Variants in MYEF2 observed in about 807,000 individuals in gnomAD.
MYEF2 encodes the protein myelin expression factor 2.
MYEF2 carries 37 observed loss-of-function variants against 75.2 expected under a neutral mutation model. The observed-to-expected ratio is 0.49, with a 90% CI of 0.38 to 0.65. The LOEUF (loss-of-function observed/expected upper bound fraction) is 0.65. Ranked by LOEUF, MYEF2 falls within the 30% of genes least tolerant of loss-of-function variation. The pLI, the probability that MYEF2 is intolerant of heterozygous loss-of-function variation, is 0.00. For missense variants in MYEF2, 634 were observed against 771.4 expected (o/e 0.82, Z 2.11); for synonymous variants, 195 against 241.6 (o/e 0.81, Z 1.79).
intron 1 of MYEF2, among the ~76,000 whole-genome samples, chr15:48,170,897 T>C (rs1189394006): frequency 6.6e-6 from 1 of 152,212 alleles, no homozygotes; most frequent in African/African-American, 2.4e-5. Context: ...TGAGCACAGA[T>C]GTTGCCAGAA....
chr15:48,149,480 G>T lies in MYEF2; in HGVS notation c.1379-109C>A. On this transcript the variant is annotated intron_variant, in intron 14 of 16. Coordinates refer to ENST00000324324, the MANE Select transcript of MYEF2 (RefSeq NM_016132.5). This position sits in a 1 kb window ranked among gnomAD's most constrained non-coding sequence, Gnocchi z 4.0. The stretch of plus-strand genomic sequence containing the variant: ...GGAGGAAAAGGAGATAAACATTTTT[G>T]AGAAAGAAGGGGGAAATTAATTTGT... The T allele has an allele frequency of 1.4e-6, 1 of 731,520 alleles. No homozygotes were observed. Among genetic ancestry groups the T allele is most frequent in the Non-Finnish European group, 2.2e-6 (1 of 456,988 alleles). The allele number at this position is 731,520 out of a possible 1,614,324, so 45.3% of individuals were successfully genotyped here.
intron 1 of MYEF2, among the ~76,000 whole-genome samples, chr15:48,172,862 G>C (rs2040391006): frequency 6.6e-6 from 1 of 152,136 alleles, no homozygotes; most frequent in Admixed American, 6.5e-5. Context: ...GGGAGATGGA[G>C]TCAGTAATCA....
At chr15:48,171,209 C>T (rs1363287227) in intron 1 of MYEF2, among the ~76,000 whole-genome samples, 2 of 152,172 alleles carry the variant, frequency 1.3e-5, no homozygotes, top group Non-Finnish European at 2.9e-5. Flanking sequence ...ACATAATAGG[C>T]TTAGATGAAT....
At chr15:48,157,633 A>C (rs1451147772) in intron 9 of MYEF2, 2 of 478,202 alleles carry the variant, frequency 4.2e-6, no homozygotes, top group Non-Finnish European at 5.5e-6. Context: ...TTTGTTCCCA[A>C]CTATGTAAAA....
intron 14 of MYEF2, among the ~76,000 whole-genome samples, chr15:48,150,363 AT>A (rs2039446226): frequency 6.6e-6 from 1 of 152,044 alleles, no homozygotes; most frequent in Non-Finnish European, 1.5e-5. Context: ...AGCTGACAGG[AT>A]TTTAGAATTT....
chr15:48,154,742 T>C (rs987109850), intron 9 of MYEF2, among the ~76,000 whole-genome samples: 4 of 152,092 alleles, frequency 2.6e-5, no homozygotes, highest in African/African-American at 9.7e-5. Context: ...GCTTCTAACA[T>C]ATATGCTTCA....
intron 1 of MYEF2, among the ~76,000 whole-genome samples, chr15:48,175,990 A>G (rs1165652323): frequency 6.6e-6 from 1 of 152,144 alleles, no homozygotes; most frequent in African/African-American, 2.4e-5. Flanking sequence ...AAGAAGAATA[A>G]GACATAGTGG....
Position 48,149,359 on chromosome 15 carries a change from C to A in MYEF2, c.1391G>T (p.Gly464Val). The change falls in exon 15 of 17, where the codon GGT becomes GTT. Residue 464 changes from glycine to valine, a missense_variant. Coordinates refer to ENST00000324324, the MANE Select transcript of MYEF2 (RefSeq NM_016132.5). This position sits in a 1 kb window ranked among gnomAD's most constrained non-coding sequence, Gnocchi z 4.0. ...PVGSGISGGMGSMNSVTGGMG... is the reference protein window; with the variant it reads ...PVGSGISGGMVSMNSVTGGMG... ...TCCTCCAGTCACACTGTTCATGCTA[C>A]CCATTCCACCACCTGGATTTTCAAG... is the stretch of plus-strand genomic sequence containing the variant. 1 of 1,612,454 alleles carries A rather than the reference C, an allele frequency of 6.2e-7. No homozygotes were observed. The highest frequency in any genetic ancestry group is 1.7e-4 in the Middle Eastern group (1 of 6,056).
At chr15:48,152,011 G>T in intron 11 of MYEF2, 69 bp from the exon 12 acceptor site, 1 of 1,488,158 alleles carries the variant, frequency 6.7e-7, no homozygotes, top group Non-Finnish European at 9.4e-7. Flanking sequence ...TTTTGTAAAT[G>T]TTAAATCTCA....
At chr15:48,151,638 T>A in intron 12 of MYEF2, 67 bp from the exon 13 acceptor site, 2 of 1,429,470 alleles carry the variant, frequency 1.4e-6, no homozygotes, top group Non-Finnish European at 1.9e-6. Context: ...CATTCAGGAA[T>A]GTATCTAAAT....
Position 48,142,230 on chromosome 15 carries a change from G to A in MYEF2, c.*678C>T. 6.2e-7 allele frequency: 1 copy of A among 1,613,660 alleles called. No homozygotes were observed. The highest frequency in any genetic ancestry group is 8.5e-7 in the Non-Finnish European group (1 of 1,179,810). ...TTTTTAGCAGTTCACTTCAATGGCTGGAAACTAGACAGAAAGTTGGGAATA... is the reference window on the plus strand; with the variant it reads ...TTTTTAGCAGTTCACTTCAATGGCTAGAAACTAGACAGAAAGTTGGGAATA... On this transcript the variant is annotated 3_prime_UTR_variant, in exon 17 of 17. Coordinates refer to ENST00000324324, the MANE Select transcript of MYEF2 (RefSeq NM_016132.5).
At chr15:48,176,949 T>C (rs931957139) in intron 1 of MYEF2, among the ~76,000 whole-genome samples, 1 of 152,204 alleles carries the variant, frequency 6.6e-6, no homozygotes. Context: ...GTCAAAGAGC[T>C]GGGGAGAGCT....
In MYEF2 at chr15:48,136,809, G is replaced by A; in HGVS notation, c.*6099C>T. On this transcript the variant is annotated 3_prime_UTR_variant, in exon 17 of 17. Coordinates refer to ENST00000324324, the MANE Select transcript of MYEF2 (RefSeq NM_016132.5). ...GCTGCGCCTGTCTTGCCAAAGCTATGGAGAGAAGTGAACAACAGCCACTGA... is the reference window on the plus strand; with the variant it reads ...GCTGCGCCTGTCTTGCCAAAGCTATAGAGAGAAGTGAACAACAGCCACTGA... The A allele has an allele frequency of 6.2e-7, 1 of 1,613,818 alleles. No homozygotes were observed. Among genetic ancestry groups the A allele is most frequent in the Non-Finnish European group, 8.5e-7 (1 of 1,179,838 alleles).
At chr15:48,151,743 G>T in intron 12 of MYEF2, 131 bp downstream of exon 12, 2 of 1,200,662 alleles carry the variant, frequency 1.7e-6, no homozygotes, top group Non-Finnish European at 1.2e-6. Context: ...CCCCAGGCCT[G>T]TCCTTATCCC....
intron 6 of MYEF2, among the ~76,000 whole-genome samples, 177 bp from the exon 7 acceptor site, chr15:48,159,099 G>A (rs1308738609): frequency 6.6e-6 from 1 of 151,888 alleles, no homozygotes; most frequent in East Asian, 1.9e-4. Context: ...TTTAAGCTAC[G>A]TCTACATTGT....
At chr15:48,144,184 G>A (rs1440865713) in intron 16 of MYEF2, among the ~76,000 whole-genome samples, 2 of 151,980 alleles carry the variant, frequency 1.3e-5, no homozygotes, top group Admixed American at 1.3e-4. Context: ...GAAAAAAAAG[G>A]AGAAAGGTAA....
chr15:48,168,542 G>A, intron 2 of MYEF2, 89 bp downstream of exon 2: 1 of 1,018,342 alleles, frequency 9.8e-7, no homozygotes, highest in Non-Finnish European at 1.5e-6. Flanking sequence ...TTGAGTCTGT[G>A]TGGCTCAGAG....
rs1368272763 is a variant in MYEF2, at chr15:48,141,221, A to ACTTTTCTTACCTTTTGAG, written c.*1686_*1687insCTCAAAAGGTAAGAAAAG. ...GTGTTGGTTGCAAGAAAAGGTAAGA[A>ACTTTTCTTACCTTTTGAG]CTAGGTCCCTCAAGCTGCAATGGTC... On this transcript the variant is annotated 3_prime_UTR_variant, in exon 17 of 17. Coordinates refer to ENST00000324324, the MANE Select transcript of MYEF2 (RefSeq NM_016132.5). 1 of 1,597,864 alleles carries ACTTTTCTTACCTTTTGAG rather than the reference A, an allele frequency of 6.3e-7. No homozygotes were observed. The highest frequency in any genetic ancestry group is 1.1e-5 in the South Asian group (1 of 90,734).
chr15:48,178,125 G>T lies in MYEF2; in HGVS notation c.113C>A (p.Ala38Glu). The change falls in exon 1 of 17, where the codon GCG becomes GAG. Residue 38 changes from alanine (A) to glutamate (E), a missense_variant. Transcript: ENST00000324324. ...GCTGTGCTGCGGCTGCTGCTTCTCC[G>T]CCTCCGCGGGGTGCGGCTCTCGCCG... is the stretch of plus-strand genomic sequence containing the variant. The part of the protein sequence containing the change: ...EPRREPHPAE[A>E]EKQQPQHSSS... 6.3e-7 allele frequency: 1 copy of T among 1,590,794 alleles called. No individual in the cohort carries two copies. The highest frequency in any genetic ancestry group is 2.3e-5 in the East Asian group (1 of 43,206).
Sources: allele counts gnomAD v4.1 joint callset (sites outside exome capture counted in the v4.1 genomes callset), GRCh38; gene constraint gnomAD v4.1.1; non-coding constraint Gnocchi (gnomAD v3.1); transcripts MANE v1.5; gene names NCBI Gene and HGNC (gene_info 2026-07-23, HGNC 2026-07-21).